Variants in BTBD8 observed in about 807,000 individuals in gnomAD.
BTBD8 encodes BTB domain containing 8.
BTBD8 carries 110 observed loss-of-function variants against 162.9 expected under a neutral mutation model. The observed-to-expected ratio is 0.68, with a 90% CI of 0.58 to 0.79. The LOEUF (loss-of-function observed/expected upper bound fraction) is 0.79, where lower values mean the gene tolerates loss of function less well. Ranked by LOEUF, BTBD8 falls within the 30% of genes least tolerant of loss-of-function variation. BTBD8 has a pLI of 0.00. For missense variants in BTBD8, 1,905 were observed against 2,085.4 expected, an observed-to-expected ratio of 0.91 and a Z score of 1.68; for synonymous variants, 667 against 716.1, an observed-to-expected ratio of 0.93 and a Z score of 1.10.
chr1:92,102,015 T>TTTA (rs1037990877), intron 2 of BTBD8, among the ~76,000 whole-genome samples: 10 of 152,128 alleles, frequency 6.6e-5, no homozygotes, highest in South Asian at 2.1e-4. Context: ...TTTTATTTTA[T>TTTA]TTATTATTAT....
chr1:92,116,510 A>T (rs1649046274), intron 4 of BTBD8, among the ~76,000 whole-genome samples: 1 of 151,846 alleles, frequency 6.6e-6, no homozygotes, highest in African/African-American at 2.4e-5. Context: ...GAGCTCTATT[A>T]TTTGTTACAT....
chr1:92,167,366 A>G (rs1650410425), intron 10 of BTBD8, among the ~76,000 whole-genome samples: 1 of 152,246 alleles, frequency 6.6e-6, no homozygotes, highest in Admixed American at 6.5e-5. Flanking sequence ...CTGGCAAGGC[A>G]CAGTGTAATT....
intron 13 of BTBD8, among the ~76,000 whole-genome samples, chr1:92,172,631 T>TA: frequency 6.6e-6 from 1 of 152,340 alleles, no homozygotes; most frequent in South Asian, 2.1e-4. Flanking sequence ...ATGATAGACA[T>TA]ACATTGAGAG....
intron 2 of BTBD8, among the ~76,000 whole-genome samples, chr1:92,098,286 C>A (rs1025534261): frequency 6.6e-5 from 10 of 152,122 alleles, no homozygotes; most frequent in Admixed American, 3.9e-4. Flanking sequence ...CTATTTTCCC[C>A]TACATATAGA....
chr1:92,174,500 A>G (rs939597219), intron 13 of BTBD8, among the ~76,000 whole-genome samples: 1 of 152,228 alleles, frequency 6.6e-6, no homozygotes, highest in Non-Finnish European at 1.5e-5. Flanking sequence ...GATTTCACCC[A>G]TAGCGTAATA....
chr1:92,084,507 T>G (rs1292437148), intron 1 of BTBD8, among the ~76,000 whole-genome samples: 1 of 152,146 alleles, frequency 6.6e-6, no homozygotes, highest in Non-Finnish European at 1.5e-5. Flanking sequence ...TAGGGTTGTA[T>G]GAAGGTTGCC....
intron 13 of BTBD8, among the ~76,000 whole-genome samples, chr1:92,174,834 GGTT>G (rs143320408): frequency 0.016 from 2,360 of 152,036 alleles, 67 homozygotes; most frequent in African/African-American, 0.052. Context: ...AGAATCTAGT[GGTT>G]GTTTTATCAC....
intron 10 of BTBD8, 37 bp from the exon 11 acceptor site, chr1:92,167,811 T>G (rs1305462841): frequency 6.7e-7 from 1 of 1,502,954 alleles, no homozygotes; most frequent in Admixed American, 2.0e-5. Flanking sequence ...GCATTTTATA[T>G]GTATTCCTCT....
chr1:92,097,341 A>G (rs1220876234), intron 2 of BTBD8, among the ~76,000 whole-genome samples: 4 of 152,144 alleles, frequency 2.6e-5, no homozygotes, highest in South Asian at 2.1e-4. Context: ...AGAATTATCT[A>G]TCACACTCTT....
At chr1:92,100,084 A>G (rs1441128081) in intron 2 of BTBD8, among the ~76,000 whole-genome samples, 2 of 152,150 alleles carry the variant, frequency 1.3e-5, no homozygotes, top group African/African-American at 2.4e-5. Flanking sequence ...GGCTTTGTCA[A>G]ATGATTTTTC....
chr1:92,108,037 G>C, intron 4 of BTBD8, 36 bp downstream of exon 4: 1 of 1,570,888 alleles, frequency 6.4e-7, no homozygotes, highest in Middle Eastern at 1.7e-4. Context: ...TCTTGGTTGT[G>C]GCTGTAGAGT....
chr1:92,171,403 A>T lies in BTBD8; in HGVS notation c.1578A>T (p.Ala526=). The T allele has an allele frequency of 6.5e-7, 1 of 1,539,510 alleles. No individual in the cohort carries two copies. The highest frequency in any genetic ancestry group is 8.8e-7 in the Non-Finnish European group (1 of 1,140,760). Reference sequence around the variant, plus strand: ...AATTGCTGTTTCTTTCTACAGCTGCATTTGACAAAGGTGATGATCGAAGAC... The same window carrying T: ...AATTGCTGTTTCTTTCTACAGCTGCTTTTGACAAAGGTGATGATCGAAGAC... The part of the protein sequence containing the change: ...TDDQQKIQAA[A]FDKGDDRRLG... Residue 526 remains alanine (A), a synonymous_variant, in exon 13 of 18, where the codon GCA becomes GCT. Coordinates refer to ENST00000636805, the MANE Select transcript of BTBD8 (RefSeq NM_001376131.1).
At chr1:92,140,219 C>T (rs994644369) in intron 6 of BTBD8, among the ~76,000 whole-genome samples, 1 of 150,922 alleles carries the variant, frequency 6.6e-6, no homozygotes, top group African/African-American at 2.4e-5. Flanking sequence ...CCCAGTAGAT[C>T]GAGATCTGCC....
intron 12 of BTBD8, among the ~76,000 whole-genome samples, chr1:92,171,012 A>G (rs1650524402): frequency 6.6e-6 from 1 of 151,972 alleles, no homozygotes; most frequent in Admixed American, 6.6e-5. Context: ...CATATTTAAT[A>G]GCTTGTAGAA....
intron 9 of BTBD8, among the ~76,000 whole-genome samples, chr1:92,160,608 T>C (rs374579233): frequency 8.5e-4 from 129 of 152,066 alleles, no homozygotes; most frequent in African/African-American, 3.1e-3. Context: ...CTATCAGTGC[T>C]CTGAGTCAAG....
intron 4 of BTBD8, among the ~76,000 whole-genome samples, chr1:92,110,549 C>G (rs1234361541): frequency 6.6e-6 from 1 of 152,128 alleles, no homozygotes; most frequent in Non-Finnish European, 1.5e-5. Context: ...TTGTGGACCT[C>G]TGTAACATTA....
At chr1:92,142,047 G>A (rs1441477846) in intron 7 of BTBD8, among the ~76,000 whole-genome samples, 1 of 152,204 alleles carries the variant, frequency 6.6e-6, no homozygotes, top group Non-Finnish European at 1.5e-5. Flanking sequence ...AGCAGCCCAT[G>A]TGCTAAACGA....
At chr1:92,147,640 A>C (rs759116822) in intron 8 of BTBD8, 44 bp from the exon 9 acceptor site, 1 of 1,497,132 alleles carries the variant, frequency 6.7e-7, no homozygotes, top group Non-Finnish European at 9.2e-7. Context: ...TTATAATGAA[A>C]AACATCTTAA....
chr1:92,103,774 A>G (rs1049023641), intron 3 of BTBD8, among the ~76,000 whole-genome samples: 21 of 152,074 alleles, frequency 1.4e-4, no homozygotes, highest in African/African-American at 2.9e-4. Context: ...ATGTTTCTCA[A>G]TTTTTCTGGA....
Sources: allele counts gnomAD v4.1 joint callset (sites outside exome capture counted in the v4.1 genomes callset), GRCh38; gene constraint gnomAD v4.1.1; transcripts MANE v1.5; gene names NCBI Gene and HGNC (gene_info 2026-07-23, HGNC 2026-07-21).